The following CNTNAP2 variants were observed in gnomAD, a reference collection of about 807,000 sequenced individuals.
CNTNAP2 encodes contactin associated protein 2.
In CNTNAP2, 98 loss-of-function variants were observed where a neutral mutation model predicts 155.2. The ratio of observed to expected loss-of-function variants is 0.63; its 90% confidence interval spans 0.54 to 0.75. The LOEUF (loss-of-function observed/expected upper bound fraction) is 0.75. CNTNAP2 is among the 30% of genes least tolerant of loss of function. CNTNAP2 has a pLI of 0.00. For synonymous variants in CNTNAP2, 651 were observed against 631.2 expected (o/e 1.03, Z -0.47); for missense variants, 1,727 against 1,688.1 (o/e 1.02, Z -0.40).
chr7:146,257,375 CT>C (rs1333947751), intron 1 of CNTNAP2, among the ~76,000 whole-genome samples: 2 of 152,182 alleles, frequency 1.3e-5, no homozygotes, highest in Non-Finnish European at 2.9e-5. Flanking sequence ...TATATCTGCT[CT>C]GTTTCCCTTT....
chr7:148,383,721 A>T lies in CNTNAP2; in HGVS notation c.3548A>T (p.Gln1183Leu). 1 of 1,614,214 alleles carries T rather than the reference A, an allele frequency of 6.2e-7. No homozygotes were observed. Among genetic ancestry groups the T allele is most frequent in the Non-Finnish European group, 8.5e-7 (1 of 1,180,032 alleles). Residue 1183 changes from glutamine to leucine, a missense_variant, in exon 22 of 24, where the codon CAG becomes CTG. Physicochemically the swap from Gln to Leu is moderately radical, Grantham distance 113 (BLOSUM62 -2). Transcript: ENST00000361727. ...TTCACTGGTTGCCTCTCCAGAGTCCAGTTCAACCAGATCGCCCCTCTCAAG... is the reference window on the plus strand; with the variant it reads ...TTCACTGGTTGCCTCTCCAGAGTCCTGTTCAACCAGATCGCCCCTCTCAAG... The part of the protein sequence containing the change: ...PGFTGCLSRV[Q>L]FNQIAPLKAA...
chr7:146,266,174 C>G (rs1799990666), intron 1 of CNTNAP2, among the ~76,000 whole-genome samples: 1 of 152,124 alleles, frequency 6.6e-6, no homozygotes, highest in Non-Finnish European at 1.5e-5. Flanking sequence ...TGGGACCTGG[C>G]AGTTCACAGT....
Position 146,288,504 on chromosome 7 carries a change from C to T in CNTNAP2, c.97+171531C>T, listed in dbSNP as rs755232652. On this transcript the variant is annotated intron_variant, in intron 1 of 23. Transcript: ENST00000361727. ...CCTCAGATAATGTTGTTTGATTAGA[C>T]GTTGTTTTATTATAACGTTGATGAG... is the stretch of plus-strand genomic sequence containing the variant. 4.6e-5 allele frequency among the ~76,000 whole-genome samples: 7 copies of T among 151,800 alleles called. No individual in the cohort carries two copies. The East Asian group carries it at 5.8e-4, about 13-fold the overall frequency.
At chr7:148,003,041 G>A (rs1263687804) in intron 15 of CNTNAP2, among the ~76,000 whole-genome samples, 1 of 152,162 alleles carries the variant, frequency 6.6e-6, no homozygotes, top group East Asian at 1.9e-4. Flanking sequence ...TACAGAGAAG[G>A]CGATTAGAAA....
chr7:146,998,696 T>C lies in CNTNAP2; in HGVS notation c.403-45211T>C, dbSNP rs961796515. Among the ~76,000 whole-genome samples the C allele has an allele frequency of 2.6e-5, 4 of 152,032 alleles. No homozygotes were observed. In the East Asian group the frequency reaches 7.7e-4, roughly 29 times the overall value. The stretch of plus-strand genomic sequence containing the variant: ...CCATTTTATTAATATTTACTTTATA[T>C]ATTTAGGTGGTCCTATGTTGGGTGT... On this transcript the variant is annotated intron_variant, in intron 3 of 23. Coordinates refer to ENST00000361727, the MANE Select transcript of CNTNAP2 (RefSeq NM_014141.6).
At chr7:147,005,017 A>G (rs1195393282) in intron 3 of CNTNAP2, among the ~76,000 whole-genome samples, 2 of 152,110 alleles carry the variant, frequency 1.3e-5, no homozygotes, top group Non-Finnish European at 2.9e-5. Flanking sequence ...AGAAAAGCAC[A>G]GATGTGGAAG....
intron 15 of CNTNAP2, among the ~76,000 whole-genome samples, chr7:148,053,136 G>C (rs1029570540): frequency 6.6e-6 from 1 of 152,110 alleles, no homozygotes; most frequent in Non-Finnish European, 1.5e-5. Context: ...AAGAAATTAT[G>C]ATAGAACACT....
At chr7:147,562,476 A>G (rs1800083095) in intron 12 of CNTNAP2, among the ~76,000 whole-genome samples, 1 of 152,218 alleles carries the variant, frequency 6.6e-6, no homozygotes, top group Admixed American at 6.5e-5. Context: ...GATGTGAACA[A>G]TTAAGCATCA....
intron 1 of CNTNAP2, among the ~76,000 whole-genome samples, chr7:146,254,583 A>C (rs1198934317): frequency 6.6e-6 from 1 of 152,266 alleles, no homozygotes; most frequent in Non-Finnish European, 1.5e-5. Flanking sequence ...TGGCAGAGAC[A>C]GATGGTAAAG....
chr7:147,603,970 G>A (rs1801007991), intron 12 of CNTNAP2, among the ~76,000 whole-genome samples: 1 of 151,644 alleles, frequency 6.6e-6, no homozygotes, highest in South Asian at 2.1e-4. Context: ...AAGCAATGGG[G>A]AAAGGATTCC....
chr7:146,385,460 G>A (rs1028068764), intron 1 of CNTNAP2, among the ~76,000 whole-genome samples: 2 of 152,140 alleles, frequency 1.3e-5, no homozygotes, highest in Non-Finnish European at 2.9e-5. Context: ...ATGAATGTTT[G>A]TTTATAATTC....
At chr7:146,601,301 A>G (rs770710291) in intron 1 of CNTNAP2, among the ~76,000 whole-genome samples, 26 of 152,126 alleles carry the variant, frequency 1.7e-4, no homozygotes, top group Non-Finnish European at 7.4e-5. Context: ...AAAGTATAGT[A>G]AGAAATTTGA....
intron 10 of CNTNAP2, among the ~76,000 whole-genome samples, chr7:147,410,230 C>T (rs1219836369): frequency 1.3e-5 from 2 of 152,148 alleles, no homozygotes; most frequent in Non-Finnish European, 2.9e-5. Context: ...AAGATTATAT[C>T]TCTTGTGGGA....
At chr7:146,666,984 G>T (rs1267752627) in intron 1 of CNTNAP2, among the ~76,000 whole-genome samples, 1 of 151,964 alleles carries the variant, frequency 6.6e-6, no homozygotes, top group African/African-American at 2.4e-5. Flanking sequence ...TTTTTAGTTT[G>T]ATATGATACC....
intron 21 of CNTNAP2, among the ~76,000 whole-genome samples, chr7:148,330,300 C>A (rs755793559): frequency 2.2e-5 from 3 of 137,288 alleles, no homozygotes; most frequent in Non-Finnish European, 4.7e-5. Context: ...ATGGATGGAG[C>A]AGACAGATGG....
chr7:146,563,186 T>A (rs1230439444), intron 1 of CNTNAP2, among the ~76,000 whole-genome samples: 1 of 152,204 alleles, frequency 6.6e-6, no homozygotes, highest in African/African-American at 2.4e-5. Flanking sequence ...CAGCCAAATG[T>A]TTTGTTTCGT....
chr7:146,243,173 T>C (rs1180179919), intron 1 of CNTNAP2, among the ~76,000 whole-genome samples: 2 of 152,162 alleles, frequency 1.3e-5, no homozygotes, highest in Non-Finnish European at 2.9e-5. Flanking sequence ...ACTTCTTCAG[T>C]TGTGCAACGT....
At chr7:147,861,338 G>C (rs1355498519) in intron 13 of CNTNAP2, among the ~76,000 whole-genome samples, 2 of 152,054 alleles carry the variant, frequency 1.3e-5, no homozygotes, top group Non-Finnish European at 2.9e-5. Context: ...TAGAGCTGTA[G>C]AGATAAATAA....
At chr7:147,555,711 C>T (rs537852345) in intron 11 of CNTNAP2, among the ~76,000 whole-genome samples, 5 of 152,254 alleles carry the variant, frequency 3.3e-5, no homozygotes, top group South Asian at 2.1e-4. Context: ...GGTTAATACC[C>T]GGCCACTTCT....
Sources: allele counts gnomAD v4.1 joint callset (sites outside exome capture counted in the v4.1 genomes callset), GRCh38; gene constraint gnomAD v4.1.1; transcripts MANE v1.5; gene names NCBI Gene and HGNC (gene_info 2026-07-23, HGNC 2026-07-21).